ATP6V0A4: variants seen among roughly 807,000 people sequenced by gnomAD.
ATP6V0A4 encodes ATPase H+ transporting V0 subunit a4.
In ATP6V0A4, 86 loss-of-function variants were observed where a neutral mutation model predicts 107.3. The observed-to-expected ratio is 0.80, with a 90% CI of 0.67 to 0.96. The LOEUF (loss-of-function observed/expected upper bound fraction) is 0.96, where lower values mean the gene tolerates loss of function less well. ATP6V0A4 is among the 40% of genes least tolerant of loss of function. ATP6V0A4 has a pLI of 0.00. For missense variants in ATP6V0A4, 908 were observed against 1,045.6 expected (o/e 0.87, Z 1.81); for synonymous variants, 353 against 381.4 (o/e 0.93, Z 0.87).
chr7:138,712,278 G>A (rs1803786282), intron 20 of ATP6V0A4, among the ~76,000 whole-genome samples: 1 of 152,112 alleles, frequency 6.6e-6, no homozygotes, highest in African/African-American at 2.4e-5. Context: ...CAAGTCATCC[G>A]TGGTCCTGAT....
At chr7:138,709,823 T>G (rs758820421) in intron 20 of ATP6V0A4, 28 bp from the exon 21 acceptor site, 2 of 1,611,594 alleles carry the variant, frequency 1.2e-6, no homozygotes, top group African/African-American at 1.3e-5. Context: ...CCACTGGGAT[T>G]ATCTTGTAAA....
Position 138,752,855 on chromosome 7 carries a change from C to T in ATP6V0A4, c.817-18G>A, listed in dbSNP as rs1010290123. Reference sequence around the variant, plus strand: ...GTTATGACCTATACAAAAAACAACACACAGGAAAACAGAGAACCTTCACAG... The same window carrying T: ...GTTATGACCTATACAAAAAACAACATACAGGAAAACAGAGAACCTTCACAG... On this transcript the variant is annotated intron_variant, in intron 10 of 21. Transcript: ENST00000310018. 6.2e-7 allele frequency: 1 copy of T among 1,612,860 alleles called. No homozygotes were observed.
intron 11 of ATP6V0A4, among the ~76,000 whole-genome samples, chr7:138,751,818 A>G (rs1806241417): frequency 6.6e-6 from 1 of 152,092 alleles, no homozygotes; most frequent in African/African-American, 2.4e-5. Flanking sequence ...TATAACCTCC[A>G]TGAGGTAACA....
In ATP6V0A4 at chr7:138,786,167, GTC is replaced by G; in HGVS notation, c.-29_-28del. The G allele has an allele frequency of 6.6e-6, 1 of 152,502 alleles. No homozygotes were observed. The highest frequency in any genetic ancestry group is 1.5e-5 in the Non-Finnish European group (1 of 68,154). 9.4% of individuals were successfully genotyped at this position (152,502 alleles called of 1,614,324 possible). A position where few individuals can be genotyped will look rare whatever the true frequency, so the allele number is the denominator to read the frequency against. On this transcript the variant is annotated 5_prime_UTR_variant, in exon 2 of 22. Transcript: ENST00000310018. ...CTCCACCTCAGCGTACCTTGGCTGTGTCTCTCTCTCTTCTTCTCTTCAGAGAA... is the reference window on the plus strand; with the variant it reads ...CTCCACCTCAGCGTACCTTGGCTGTGTCTCTCTCTTCTTCTCTTCAGAGAA...
chr7:138,795,825 TTG>T (rs1491511014), intron 1 of ATP6V0A4, among the ~76,000 whole-genome samples: 4 of 151,938 alleles, frequency 2.6e-5, no homozygotes, highest in African/African-American at 7.3e-5. Flanking sequence ...GTGTTTTTTT[TTG>T]TTTGTTTTGC....
chr7:138,797,960 T>C (rs1462366067), intron 1 of ATP6V0A4, 74 bp downstream of exon 1: 1 of 1,540,200 alleles, frequency 6.5e-7, no homozygotes, highest in Non-Finnish European at 8.7e-7. Flanking sequence ...CCATGGTGTT[T>C]CCCCCAAACA....
intron 19 of ATP6V0A4, 72 bp from the exon 20 acceptor site, chr7:138,715,953 G>C (rs1427272048): frequency 2.5e-6 from 4 of 1,581,210 alleles, no homozygotes; most frequent in Non-Finnish European, 3.5e-6. Flanking sequence ...ATGATGCAAA[G>C]ATGAATAAGA....
At chr7:138,763,942 A>G (rs1439197766) in intron 5 of ATP6V0A4, among the ~76,000 whole-genome samples, 1 of 149,302 alleles carries the variant, frequency 6.7e-6, no homozygotes, top group Non-Finnish European at 1.5e-5. Context: ...CCTGGGAGAC[A>G]AAGCTTTTTT....
rs566336992 is a variant in ATP6V0A4 at position 138,745,658 on chromosome 7, C to CAAAAAAAAAAAAAAAAAAAAA, written c.1321-379_1321-378insTTTTTTTTTTTTTTTTTTTTT. ...CACCACTGCGCTCCAGCCTGTGTCT[C>CAAAAAAAAAAAAAAAAAAAAA]AAAAAAAAAAAAAGGCCGGGTGTGA... On this transcript the variant is annotated intron_variant, in intron 13 of 21. Coordinates refer to ENST00000310018, the MANE Select transcript of ATP6V0A4 (RefSeq NM_020632.3). Among the ~76,000 whole-genome samples, 42 of 42,724 alleles carry CAAAAAAAAAAAAAAAAAAAAA rather than the reference C, an allele frequency of 9.8e-4. 8 individuals are homozygous for CAAAAAAAAAAAAAAAAAAAAA. The highest frequency in any genetic ancestry group is 0.012 in the Middle Eastern group (1 of 84). 28.0% of individuals were successfully genotyped at this position (42,724 alleles called of 152,430 possible).
rs34650343 is a variant in ATP6V0A4 at position 138,794,897 on chromosome 7, A to ATT, written c.-121+3135_-121+3136dup. 1.8e-3 allele frequency among the ~76,000 whole-genome samples: 188 copies of ATT among 104,022 alleles called. 1 individual carries two copies. The highest frequency in any genetic ancestry group is 6.0e-3 in the African/African-American group (175 of 29,358). The allele number at this position is 104,022 out of a possible 152,430, so 68.2% of individuals were successfully genotyped here. On this transcript the variant is annotated intron_variant, in intron 1 of 21. Transcript: ENST00000310018. ...ATCATTGGCCAGTCCAGCCCACCCT[A>ATT]TTTTTTTTTTTTTTTTTTGAGACAG... is the stretch of plus-strand genomic sequence containing the variant.
chr7:138,777,633 TACACACACACACAC>T (rs1176566807), intron 2 of ATP6V0A4, among the ~76,000 whole-genome samples: 72 of 106,372 alleles, frequency 6.8e-4, no homozygotes, highest in African/African-American at 2.5e-3. Context: ...AAAAAAAAAA[TACACACACACACAC>T]ACACACACAC....
At chr7:138,755,549 A>G in intron 10 of ATP6V0A4, 140 bp downstream of exon 10, 1 of 1,172,596 alleles carries the variant, frequency 8.5e-7, no homozygotes, top group Admixed American at 2.0e-5. Context: ...GAAATCTTCC[A>G]CAGCCACAAC....
intron 15 of ATP6V0A4, among the ~76,000 whole-genome samples, chr7:138,738,965 C>T (rs1367721343): frequency 6.6e-6 from 1 of 152,154 alleles, no homozygotes; most frequent in African/African-American, 2.4e-5. Flanking sequence ...CATGAACGGG[C>T]ATGTGTTGTA....
At chr7:138,728,670 C>G in intron 18 of ATP6V0A4, 91 bp downstream of exon 18, 1 of 1,570,012 alleles carries the variant, frequency 6.4e-7, no homozygotes, top group East Asian at 2.2e-5. Context: ...CCCTGGCAGC[C>G]CAGGACGATT....
intron 20 of ATP6V0A4, among the ~76,000 whole-genome samples, chr7:138,710,750 T>C (rs1443977470): frequency 6.6e-6 from 1 of 152,120 alleles, no homozygotes; most frequent in Non-Finnish European, 1.5e-5. Context: ...CTCTTTTCAC[T>C]CTTTGGTGGT....
At chr7:138,784,379 C>T (rs1251624559) in intron 2 of ATP6V0A4, among the ~76,000 whole-genome samples, 13 of 146,028 alleles carry the variant, frequency 8.9e-5, no homozygotes, top group African/African-American at 2.8e-4. Flanking sequence ...GGTGCAGTGG[C>T]GCAATCTTGG....
chr7:138,720,785 C>T (rs1387475847), intron 19 of ATP6V0A4, among the ~76,000 whole-genome samples: 1 of 151,968 alleles, frequency 6.6e-6, no homozygotes, highest in African/African-American at 2.4e-5. Context: ...TATAGGTGCT[C>T]ACCACCATGC....
rs1376949112 is a variant in ATP6V0A4 at position 138,756,558 on chromosome 7, G to T, written c.640-18C>A. The T allele has an allele frequency of 1.2e-5, 18 of 1,502,284 alleles. No individual in the cohort carries two copies. Among genetic ancestry groups the T allele is most frequent in the African/African-American group, 3.1e-5 (2 of 65,390 alleles). 93.1% of individuals were successfully genotyped at this position (1,502,284 alleles called of 1,614,324 possible). A position where few individuals can be genotyped will look rare whatever the true frequency, so the allele number is the denominator to read the frequency against. ...TCTTCTTTCTGGAAAATCAGAATAA[G>T]TTAAAAAAAAAGGGGGGGGTTTCTT... On this transcript the variant is annotated intron_variant, in intron 8 of 21. Coordinates refer to ENST00000310018, the MANE Select transcript of ATP6V0A4 (RefSeq NM_020632.3).
intron 3 of ATP6V0A4, among the ~76,000 whole-genome samples, chr7:138,770,448 C>T (rs1807324470): frequency 6.6e-6 from 1 of 152,212 alleles, no homozygotes; most frequent in African/African-American, 2.4e-5. Flanking sequence ...CAACTCTCAG[C>T]TCAGCTCAAT....
Sources: allele counts gnomAD v4.1 joint callset (sites outside exome capture counted in the v4.1 genomes callset), GRCh38; gene constraint gnomAD v4.1.1; transcripts MANE v1.5; gene names NCBI Gene and HGNC (gene_info 2026-07-23, HGNC 2026-07-21).